MAPK10: variants seen among roughly 807,000 people sequenced by gnomAD.
MAPK10 encodes the protein mitogen-activated protein kinase 10.
A neutral mutation model predicts 59.3 loss-of-function variants in MAPK10; 25 were observed. The observed-to-expected ratio is 0.42, with a 90% CI of 0.31 to 0.59. MAPK10 has a LOEUF of 0.59. MAPK10 is among the 20% of genes least tolerant of loss of function. The pLI is 0.15. For synonymous variants in MAPK10, 190 were observed against 200.5 expected, an observed-to-expected ratio of 0.95 and a Z score of 0.44; for missense variants, 351 against 568.9, an observed-to-expected ratio of 0.62 and a Z score of 3.90.
At chr4:86,548,798 A>G (rs1403991494) in intron 1 of MAPK10, among the ~76,000 whole-genome samples, 2 of 152,164 alleles carry the variant, frequency 1.3e-5, no homozygotes, top group East Asian at 1.9e-4. Flanking sequence ...CTAGACCACA[A>G]CTTGCACACT....
At chr4:86,168,433 C>T (rs1203822490) in intron 3 of MAPK10, among the ~76,000 whole-genome samples, 3 of 152,214 alleles carry the variant, frequency 2.0e-5, no homozygotes, top group Admixed American at 2.0e-4. Flanking sequence ...TTGAAGGGTC[C>T]TACACGCACG....
At chr4:86,059,783 C>T (rs1204044735) in intron 11 of MAPK10, among the ~76,000 whole-genome samples, 3 of 152,078 alleles carry the variant, frequency 2.0e-5, no homozygotes, top group Non-Finnish European at 4.4e-5. Context: ...AACATGCCCG[C>T]TCTCTCTCTG....
At chr4:86,156,699 A>G (rs911202877) in intron 4 of MAPK10, among the ~76,000 whole-genome samples, 1 of 152,034 alleles carries the variant, frequency 6.6e-6, no homozygotes, top group African/African-American at 2.4e-5. Context: ...TGTGAGTGAA[A>G]ACAATGAAAC....
chr4:86,079,855 T>G (rs780003512), intron 9 of MAPK10: 4 of 152,116 alleles, frequency 2.6e-5, no homozygotes, highest in Non-Finnish European at 2.9e-5. Context: ...ACCTGCCACT[T>G]AAAGCATAGC....
intron 1 of MAPK10, among the ~76,000 whole-genome samples, chr4:86,526,658 T>G (rs1237428021): frequency 6.6e-6 from 1 of 152,216 alleles, no homozygotes; most frequent in East Asian, 1.9e-4. Flanking sequence ...CATGTGATGT[T>G]AGATCATTAA....
intron 2 of MAPK10, among the ~76,000 whole-genome samples, chr4:86,218,188 A>G (rs2088295711): frequency 6.6e-6 from 1 of 152,142 alleles, no homozygotes; most frequent in African/African-American, 2.4e-5. Context: ...AATATTGTAC[A>G]TATATATAGG....
At chr4:86,560,538 T>C (rs991473720) in intron 1 of MAPK10, among the ~76,000 whole-genome samples, 1 of 152,268 alleles carries the variant, frequency 6.6e-6, no homozygotes, top group African/African-American at 2.4e-5. Flanking sequence ...GAGTAGTTGA[T>C]AAACCTGCTG....
intron 4 of MAPK10, among the ~76,000 whole-genome samples, chr4:86,114,385 T>C (rs1432913722): frequency 5.3e-5 from 8 of 152,134 alleles, no homozygotes; most frequent in Admixed American, 4.6e-4. Context: ...CTGCTGACCT[T>C]TGGACGGGGT....
chr4:86,475,912 A>G (rs1327784755), intron 1 of MAPK10, among the ~76,000 whole-genome samples: 1 of 151,952 alleles, frequency 6.6e-6, no homozygotes, highest in Non-Finnish European at 1.5e-5. Context: ...ACCTAAACCT[A>G]AACGCCTTAT....
rs139815224 is a variant in MAPK10, at chr4:86,573,782, T to C, written c.-263+20128A>G. Among the ~76,000 whole-genome samples, 149 of 152,344 alleles carry C rather than the reference T, an allele frequency of 9.8e-4. 2 individuals are homozygous for C. The East Asian group carries it at 0.025, about 25-fold the overall frequency. ...TTCACCAATGTTTTATAGTTTTCAA[T>C]ATAGAAATTTTCCACATTTTCTTAG... On this transcript the variant is annotated intron_variant, in intron 1 of 4. Coordinates refer to the MAPK10 transcript ENST00000502302.
chr4:86,345,725 T>C (rs552333420), intron 2 of MAPK10, among the ~76,000 whole-genome samples: 75 of 152,298 alleles, frequency 4.9e-4, no homozygotes, highest in Non-Finnish European at 6.5e-4. Context: ...CCTCTCCATA[T>C]AAAAATCTTG....
At chr4:86,490,524 C>T (rs1014012438) in intron 1 of MAPK10, among the ~76,000 whole-genome samples, 8 of 152,162 alleles carry the variant, frequency 5.3e-5, no homozygotes, top group Non-Finnish European at 1.5e-5. Context: ...TCAACTTTTA[C>T]AAAATTTAAA....
intron 1 of MAPK10, among the ~76,000 whole-genome samples, chr4:86,385,186 A>C (rs964351059): frequency 6.6e-6 from 1 of 152,076 alleles, no homozygotes; most frequent in Non-Finnish European, 1.5e-5. Context: ...AAATAAAATA[A>C]ATAATTAATA....
intron 11 of MAPK10, among the ~76,000 whole-genome samples, chr4:86,039,705 C>T (rs892994565): frequency 1.3e-5 from 2 of 152,204 alleles, no homozygotes; most frequent in Non-Finnish European, 1.5e-5. Flanking sequence ...CAAAGCCAAT[C>T]CCAGAGCCAA....
chr4:86,467,947 G>A lies in MAPK10; in HGVS notation c.-262-113303C>T, dbSNP rs535701771. Among the ~76,000 whole-genome samples the A allele has an allele frequency of 1.2e-4, 19 of 152,246 alleles. No individual in the cohort carries two copies. The South Asian group carries it at 2.1e-3, about 17-fold the overall frequency. ...ATGTGCCCCTTGCTTACCTTGCAACGAGGCCAGATACAGACATTCTAAATT... is the reference window on the plus strand; with the variant it reads ...ATGTGCCCCTTGCTTACCTTGCAACAAGGCCAGATACAGACATTCTAAATT... On this transcript the variant is annotated intron_variant, in intron 1 of 4. Coordinates refer to the MAPK10 transcript ENST00000502302.
At chr4:86,050,439 T>C (rs1434889067) in intron 11 of MAPK10, among the ~76,000 whole-genome samples, 1 of 152,200 alleles carries the variant, frequency 6.6e-6, no homozygotes. Flanking sequence ...TTTGAGTCCA[T>C]GTCCTCTAAT....
Position 86,503,140 on chromosome 4 carries a change from C to CCCAAACAAA in MAPK10, c.-263+90761_-263+90769dup, listed in dbSNP as rs928095570. 9.9e-5 allele frequency among the ~76,000 whole-genome samples: 15 copies of CCCAAACAAA among 152,204 alleles called. No individual in the cohort carries two copies. The South Asian group carries it at 1.2e-3, about 13-fold the overall frequency. Reference sequence around the variant, plus strand: ...ATCCAAAGTTAAGGGTATCATCTTTCCCAAACAAACTCATTCTGTTCCTGA... The same window carrying CCCAAACAAA: ...ATCCAAAGTTAAGGGTATCATCTTTCCCAAACAAACCAAACAAACTCATTCTGTTCCTGA... On this transcript the variant is annotated intron_variant, in intron 1 of 4. Transcript: ENST00000502302.
At chr4:86,093,104 A>G (rs1196673261) in intron 9 of MAPK10, among the ~76,000 whole-genome samples, 2 of 152,020 alleles carry the variant, frequency 1.3e-5, no homozygotes, top group Non-Finnish European at 2.9e-5. Context: ...GAAATTATAC[A>G]ATGTAAGCCC....
intron 3 of MAPK10, among the ~76,000 whole-genome samples, chr4:86,184,986 A>G (rs1024914738): frequency 5.9e-5 from 9 of 152,182 alleles, no homozygotes; most frequent in African/African-American, 2.2e-4. Flanking sequence ...TAAATGTTCA[A>G]CAACTGGCTG....
Sources: gnomAD v4.1 joint callset for allele counts (sites outside exome capture counted in the v4.1 genomes callset) on GRCh38, gnomAD v4.1.1 for gene constraint, MANE v1.5 for transcripts, NCBI Gene and HGNC (gene_info 2026-07-23, HGNC 2026-07-21) for gene names.